The following GABRA2 variants were observed in gnomAD, a reference collection of about 807,000 sequenced individuals.
GABRA2 encodes gamma-aminobutyric acid receptor subunit alpha-2.
In GABRA2, 16 loss-of-function variants were observed where a neutral mutation model predicts 48.7. That is an observed-to-expected ratio of 0.33 (90% CI 0.22 to 0.50). GABRA2 has a LOEUF of 0.50. GABRA2 is among the 20% of genes least tolerant of loss of function. The pLI is 0.98. For missense variants in GABRA2, 275 were observed against 535.6 expected, an observed-to-expected ratio of 0.51 and a Z score of 4.80; for synonymous variants, 185 against 184.5, an observed-to-expected ratio of 1.00 and a Z score of -0.02.
chr4:46,295,553 C>T (rs1205191967), intron 8 of GABRA2, among the ~76,000 whole-genome samples: 2 of 152,212 alleles, frequency 1.3e-5, no homozygotes, highest in South Asian at 2.1e-4. Flanking sequence ...CCTGTCATTG[C>T]CCAATGGGTC....
rs1577796379 is a variant in GABRA2 at position 46,261,299 on chromosome 4, C to G, written c.1059+627G>C. The G allele has an allele frequency of 2.0e-5, 3 of 152,404 alleles. No homozygotes were observed. In the East Asian group the frequency reaches 5.8e-4, roughly 30 times the overall value. The allele number at this position is 152,404 out of a possible 1,614,324, so 9.4% of individuals were successfully genotyped here. On this transcript the variant is annotated intron_variant, in intron 9 of 9. Coordinates refer to ENST00000381620, the MANE Select transcript of GABRA2 (RefSeq NM_000807.4). The stretch of plus-strand genomic sequence containing the variant: ...ATATGAACAATTTAAAATTCCTAAG[C>G]ATTCCAGCACCGACATATTTATTCC...
In GABRA2 at chr4:46,249,388, C is replaced by T. The variant is rs1374687873; in HGVS notation, c.*920G>A. On this transcript the variant is annotated 3_prime_UTR_variant, in exon 10 of 10. Coordinates refer to ENST00000381620, the MANE Select transcript of GABRA2 (RefSeq NM_000807.4). ...TAAGTGTTTGTCATAGTGTGGGGCA[C>T]CTATGAATTCTCATCAGTGGGAGTT... The T allele has an allele frequency of 6.6e-6, 1 of 151,220 alleles. No individual in the cohort carries two copies. Among genetic ancestry groups the T allele is most frequent in the Non-Finnish European group, 1.5e-5 (1 of 67,600 alleles). 9.4% of individuals were successfully genotyped at this position (151,220 alleles called of 1,614,324 possible).
At chr4:46,319,065 A>G (rs929160090) in intron 4 of GABRA2, among the ~76,000 whole-genome samples, 2 of 151,814 alleles carry the variant, frequency 1.3e-5, no homozygotes, top group Non-Finnish European at 2.9e-5. Context: ...ATCTCCATTT[A>G]CAGTAAACTC....
intron 3 of GABRA2, among the ~76,000 whole-genome samples, chr4:46,379,983 A>T (rs1274254159): frequency 6.6e-6 from 1 of 152,156 alleles, no homozygotes; most frequent in African/African-American, 2.4e-5. Context: ...CACCACCCAT[A>T]ATCATAAAGA....
rs770823700 is a variant in GABRA2 at position 46,305,724 on chromosome 4, A to G, written c.560-13T>C. ...GTTGTATATGCATCTATAGGAAATC[A>G]GAAAAAATATTTTAAGCATTTTAGT... On this transcript the variant is annotated splice_polypyrimidine_tract_variant and intron_variant, in intron 6 of 9. Coordinates refer to ENST00000381620, the MANE Select transcript of GABRA2 (RefSeq NM_000807.4). 2 of 1,589,852 alleles carry G rather than the reference A, an allele frequency of 1.3e-6. No homozygotes were observed. Among genetic ancestry groups the G allele is most frequent in the African/African-American group, 1.4e-5 (1 of 74,068 alleles).
chr4:46,273,674 CTCTA>C (rs1227089414), intron 8 of GABRA2, among the ~76,000 whole-genome samples: 1 of 151,886 alleles, frequency 6.6e-6, no homozygotes, highest in Non-Finnish European at 1.5e-5. Flanking sequence ...TTTTCTCCTT[CTCTA>C]TCTGTCACTT....
rs1714253479 is a variant in GABRA2, at chr4:46,249,175, T to A, written c.*1133A>T. On this transcript the variant is annotated 3_prime_UTR_variant, in exon 10 of 10. Transcript: ENST00000381620. ...CTGGTATACAAAGCTGTTGTAAATT[T>A]GAGTCAGCGAAATTTAAAGTTGCAA... The A allele has an allele frequency of 6.6e-6, 1 of 151,402 alleles. No individual in the cohort carries two copies. The highest frequency in any genetic ancestry group is 2.4e-5 in the African/African-American group (1 of 41,342). The allele number at this position is 151,402 out of a possible 1,614,324, so 9.4% of individuals were successfully genotyped here.
intron 9 of GABRA2, among the ~76,000 whole-genome samples, chr4:46,253,114 A>G (rs1167806414): frequency 1.3e-5 from 2 of 151,470 alleles, no homozygotes; most frequent in Non-Finnish European, 3.0e-5. Flanking sequence ...TTTATGTTGG[A>G]TGAGGAACTA....
intron 2 of GABRA2, among the ~76,000 whole-genome samples, chr4:46,387,548 G>A (rs2109384298): frequency 6.6e-6 from 1 of 152,148 alleles, no homozygotes; most frequent in Admixed American, 6.5e-5. Flanking sequence ...TTTCTGTATT[G>A]CCTACTTAAG....
chr4:46,356,014 C>T (rs999558864), intron 3 of GABRA2, among the ~76,000 whole-genome samples: 3 of 152,284 alleles, frequency 2.0e-5, no homozygotes, highest in Admixed American at 6.5e-5. Context: ...CTTCACAGAA[C>T]TTGGTGAAAT....
intron 8 of GABRA2, among the ~76,000 whole-genome samples, chr4:46,283,208 C>T (rs76500093): frequency 0.012 from 1,890 of 152,252 alleles, 45 homozygotes; most frequent in African/African-American, 0.043. Context: ...TAATGACACA[C>T]AGAAATTATT....
chr4:46,388,247 A>C (rs1717747263), intron 2 of GABRA2, among the ~76,000 whole-genome samples: 1 of 152,146 alleles, frequency 6.6e-6, no homozygotes, highest in African/African-American at 2.4e-5. Flanking sequence ...AGGAAAAAAA[A>C]AATTAGTTAA....
chr4:46,348,832 G>A (rs1230340955), intron 3 of GABRA2, among the ~76,000 whole-genome samples: 5 of 150,958 alleles, frequency 3.3e-5, no homozygotes, highest in African/African-American at 1.2e-4. Flanking sequence ...GCTGAATGAC[G>A]AGTTAATGGG....
intron 8 of GABRA2, among the ~76,000 whole-genome samples, chr4:46,301,783 C>A (rs28753386): frequency 0.5 from 76,587 of 151,916 alleles, 20,527 homozygotes; most frequent in African/African-American, 0.69. Context: ...GGTGCCATCC[C>A]CTATACCAAG....
At chr4:46,310,343 G>A (rs1727427183) in intron 5 of GABRA2, 88 bp from the exon 6 acceptor site, 1 of 881,692 alleles carries the variant, frequency 1.1e-6, no homozygotes, top group Non-Finnish European at 1.9e-6. Context: ...CTCGATAGAG[G>A]TAGAGCATTA....
At chr4:46,253,483 C>T (rs1241326680) in intron 9 of GABRA2, among the ~76,000 whole-genome samples, 2 of 151,500 alleles carry the variant, frequency 1.3e-5, no homozygotes, top group Non-Finnish European at 3.0e-5. Context: ...AGTGTTAAAA[C>T]TCGTTCCAAG....
intron 8 of GABRA2, among the ~76,000 whole-genome samples, chr4:46,265,996 T>A (rs950316017): frequency 3.9e-5 from 6 of 151,920 alleles, no homozygotes; most frequent in Admixed American, 2.0e-4. Flanking sequence ...TTTTATTGAT[T>A]TCTAATTCTA....
intron 6 of GABRA2, among the ~76,000 whole-genome samples, chr4:46,308,073 G>A (rs534445419): frequency 7.9e-5 from 12 of 152,160 alleles, no homozygotes; most frequent in African/African-American, 2.9e-4. Flanking sequence ...GTTGCATTAA[G>A]CAGATGTATA....
intron 4 of GABRA2, among the ~76,000 whole-genome samples, chr4:46,331,712 T>A (rs1349053330): frequency 6.6e-6 from 1 of 152,102 alleles, no homozygotes; most frequent in Non-Finnish European, 1.5e-5. Context: ...TCCTCACTTA[T>A]CTATCTCATT....
Sources: gnomAD v4.1 joint callset for allele counts (sites outside exome capture counted in the v4.1 genomes callset) on GRCh38, gnomAD v4.1.1 for gene constraint, MANE v1.5 for transcripts, NCBI Gene and HGNC (gene_info 2026-07-23, HGNC 2026-07-21) for gene names.